The following CNTNAP2 variants were observed in gnomAD, a reference collection of about 807,000 sequenced individuals.
CNTNAP2 encodes contactin-associated protein-like 2.
A neutral mutation model predicts 155.2 loss-of-function variants in CNTNAP2; 98 were observed. That is an observed-to-expected ratio of 0.63 (90% confidence interval 0.54 to 0.75). The LOEUF (loss-of-function observed/expected upper bound fraction) is 0.75. Ranked by LOEUF, CNTNAP2 falls within the 30% of genes least tolerant of loss-of-function variation. The pLI, the probability that CNTNAP2 is intolerant of heterozygous loss-of-function variation, is 0.00. For missense variants in CNTNAP2, 1,727 were observed against 1,688.1 expected (o/e 1.02, Z -0.40); for synonymous variants, 651 against 631.2 (o/e 1.03, Z -0.47).
intron 13 of CNTNAP2, among the ~76,000 whole-genome samples, chr7:147,891,308 G>A (rs940328723): frequency 3.9e-5 from 6 of 152,056 alleles, no homozygotes; most frequent in African/African-American, 1.2e-4. Context: ...GGGTTCAAGC[G>A]ATTCTCCTTC....
chr7:146,621,940 A>AT (rs1460783765), intron 1 of CNTNAP2, among the ~76,000 whole-genome samples: 1 of 152,090 alleles, frequency 6.6e-6, no homozygotes, highest in African/African-American at 2.4e-5. Context: ...ATGAAATTTG[A>AT]TTTTATCATA....
At chr7:147,497,386 C>T (rs73459493) in intron 11 of CNTNAP2, among the ~76,000 whole-genome samples, 239 of 152,248 alleles carry the variant, frequency 1.6e-3, no homozygotes, top group African/African-American at 5.2e-3. Flanking sequence ...TACAGAATTG[C>T]TGTCATTTCT....
chr7:147,602,877 T>C (rs1800980540), intron 12 of CNTNAP2, among the ~76,000 whole-genome samples: 1 of 151,986 alleles, frequency 6.6e-6, no homozygotes, highest in African/African-American at 2.4e-5. Context: ...ATTTTCTTAA[T>C]CCAGTCTATC....
Position 146,721,004 on chromosome 7 carries a change from ATATATATACTCTATATAT to A in CNTNAP2, c.98-53247_98-53230del, listed in dbSNP as rs1216792399. On this transcript the variant is annotated intron_variant, in intron 1 of 23. Transcript: ENST00000361727. ...TATATATACTGTATATATATAGTCT[ATATATATACTCTATATAT>A]TATATATACTCTATATATTCTATAT... Among the ~76,000 whole-genome samples, 8 of 123,106 alleles carry A rather than the reference ATATATATACTCTATATAT, an allele frequency of 6.5e-5. No individual in the cohort carries two copies. The East Asian group carries it at 8.7e-4, about 13-fold the overall frequency. The allele number at this position is 123,106 out of a possible 152,430, so 80.8% of individuals were successfully genotyped here.
chr7:148,176,945 C>T (rs1055436967), intron 18 of CNTNAP2, among the ~76,000 whole-genome samples: 1 of 152,142 alleles, frequency 6.6e-6, no homozygotes, highest in Non-Finnish European at 1.5e-5. Context: ...TAAAACTGCT[C>T]CTTCTTGGAG....
At chr7:147,968,536 T>A (rs1801267186) in intron 14 of CNTNAP2, among the ~76,000 whole-genome samples, 1 of 151,860 alleles carries the variant, frequency 6.6e-6, no homozygotes, top group African/African-American at 2.4e-5. Context: ...AAGGCAAGAG[T>A]GAGGAGGGGT....
At chr7:147,359,789 C>A (rs886876199) in intron 9 of CNTNAP2, among the ~76,000 whole-genome samples, 2 of 151,974 alleles carry the variant, frequency 1.3e-5, no homozygotes, top group East Asian at 3.9e-4. Flanking sequence ...CTTCCCTGAC[C>A]GCCCTAAAGT....
chr7:146,237,807 C>CT (rs1283139438), intron 1 of CNTNAP2, among the ~76,000 whole-genome samples: 1 of 36,796 alleles, frequency 2.7e-5, no homozygotes, highest in East Asian at 7.7e-3. Flanking sequence ...ATTAAAGGTT[C>CT]TGAAGTAACC....
intron 14 of CNTNAP2, among the ~76,000 whole-genome samples, chr7:147,959,578 G>T (rs567553415): frequency 6.6e-6 from 1 of 152,124 alleles, no homozygotes; most frequent in Non-Finnish European, 1.5e-5. Flanking sequence ...GTAGCAACTC[G>T]GGGCAGTTCT....
intron 1 of CNTNAP2, among the ~76,000 whole-genome samples, chr7:146,712,959 G>A (rs1801124791): frequency 1.3e-5 from 2 of 151,026 alleles, no homozygotes. Flanking sequence ...ATTTCTTCAC[G>A]CTGACCTGTA....
At chr7:146,543,490 G>T (rs1473668788) in intron 1 of CNTNAP2, among the ~76,000 whole-genome samples, 5 of 151,762 alleles carry the variant, frequency 3.3e-5, no homozygotes, top group African/African-American at 4.8e-5. Flanking sequence ...ACCTTCATGT[G>T]AGTGAAATCA....
At position 146,460,112 on chromosome 7, in the gene CNTNAP2, C is replaced by A. The variant is rs1584935581; in HGVS notation, c.98-314159C>A. ...GAACAAGAGCAGATTCCTAAACTGG[C>A]CAAATCTCAGGAGAATGTTGACAAC... On this transcript the variant is annotated intron_variant, in intron 1 of 23. Coordinates refer to ENST00000361727, the MANE Select transcript of CNTNAP2 (RefSeq NM_014141.6). Among the ~76,000 whole-genome samples the A allele has an allele frequency of 2.0e-5, 3 of 152,048 alleles. No homozygotes were observed. In the South Asian group the frequency reaches 6.2e-4, roughly 32 times the overall value.
chr7:146,725,230 T>C (rs1801410931), intron 1 of CNTNAP2, among the ~76,000 whole-genome samples: 1 of 152,186 alleles, frequency 6.6e-6, no homozygotes, highest in African/African-American at 2.4e-5. Context: ...CAGTATTACC[T>C]CATTTAGCTT....
chr7:148,037,825 T>C lies in CNTNAP2; in HGVS notation c.2383+59836T>C, dbSNP rs541230850. Among the ~76,000 whole-genome samples the C allele has an allele frequency of 1.8e-4, 28 of 152,372 alleles. No individual in the cohort carries two copies. The East Asian group carries it at 4.8e-3, about 26-fold the overall frequency. On this transcript the variant is annotated intron_variant, in intron 15 of 23. Coordinates refer to ENST00000361727, the MANE Select transcript of CNTNAP2 (RefSeq NM_014141.6). ...TAGTATACACAGATGATTCTTGATT[T>C]ACAATGTTTTGACTTAAAAATTTTC...
chr7:146,510,389 T>A (rs1365060600), intron 1 of CNTNAP2, among the ~76,000 whole-genome samples: 1 of 152,208 alleles, frequency 6.6e-6, no homozygotes, highest in East Asian at 1.9e-4. Context: ...TTACTAGGGC[T>A]TTGTAGTATA....
intron 3 of CNTNAP2, among the ~76,000 whole-genome samples, chr7:147,027,633 T>A (rs955937615): frequency 6.6e-6 from 1 of 152,198 alleles, no homozygotes; most frequent in African/African-American, 2.4e-5. Context: ...TTTAAAAAGA[T>A]TTCCCTTTTG....
At chr7:146,179,207 C>T (rs1383761585) in intron 1 of CNTNAP2, among the ~76,000 whole-genome samples, 1 of 152,056 alleles carries the variant, frequency 6.6e-6, no homozygotes, top group Non-Finnish European at 1.5e-5. Flanking sequence ...ATAATGAAAG[C>T]TATGATCAGA....
intron 12 of CNTNAP2, among the ~76,000 whole-genome samples, chr7:147,628,079 AC>A (rs1476740575): frequency 6.6e-6 from 1 of 152,116 alleles, no homozygotes; most frequent in Non-Finnish European, 1.5e-5. Flanking sequence ...CTTGAGGAAA[AC>A]TTCCCTGGCC....
chr7:146,818,101 T>C (rs1451031579), intron 2 of CNTNAP2, among the ~76,000 whole-genome samples: 1 of 152,126 alleles, frequency 6.6e-6, no homozygotes, highest in African/African-American at 2.4e-5. Flanking sequence ...TTTATAGTGT[T>C]TTTTCTCAAA....
Sources: gnomAD v4.1 joint callset for allele counts (sites outside exome capture counted in the v4.1 genomes callset) on GRCh38, gnomAD v4.1.1 for gene constraint, MANE v1.5 for transcripts, NCBI Gene and HGNC (gene_info 2026-07-23, HGNC 2026-07-21) for gene names.